Variants in PLAC1 observed in about 807,000 individuals in gnomAD.
PLAC1 encodes the protein placenta associated 1.
For synonymous variants in PLAC1, 68 were observed against 62.1 expected (o/e 1.09, Z -0.44); for missense variants, 136 against 163.2 (o/e 0.83, Z 0.91).
At chrX:134,722,014 A>C (rs1018941833) in intron 2 of PLAC1, among the ~76,000 whole-genome samples, 2 of 112,059 alleles carry the variant, frequency 1.8e-5, no homozygotes, top group East Asian at 5.6e-4. Context: ...AAAAATTTAT[A>C]AACATAAATT....
Position 134,686,539 on chromosome X carries a change from A to G in PLAC1, n.174+46896T>C, listed in dbSNP as rs781168117. On this transcript the variant is annotated intron_variant and non_coding_transcript_variant, in intron 2 of 2. Coordinates refer to the PLAC1 transcript ENST00000466797. ...TGCTCAGTCTGAGTCTTGTCCACCA[A>G]TGGAAAAACCCCTTGAAACCCAGTC... 7.1e-5 allele frequency among the ~76,000 whole-genome samples: 8 copies of G among 112,188 alleles called. No individual in the cohort carries two copies. In the South Asian group the frequency reaches 1.1e-3, roughly 16 times the overall value.
chrX:134,750,921 A>T (rs2078742724), intron 1 of PLAC1, among the ~76,000 whole-genome samples: 2 of 19,879 alleles, frequency 1.0e-4, no homozygotes, highest in Non-Finnish European at 1.4e-4. Flanking sequence ...TTATATATAT[A>T]TATTTTTATA....
At chrX:134,618,025 T>C (rs2078192939) in intron 1 of PLAC1, among the ~76,000 whole-genome samples, 1 of 111,927 alleles carries the variant, frequency 8.9e-6, no homozygotes, top group African/African-American at 3.3e-5. Flanking sequence ...CTATTATTGC[T>C]GCTGGGTCAA....
intron 1 of PLAC1, among the ~76,000 whole-genome samples, chrX:134,738,376 A>T (rs756853208): frequency 1.8e-5 from 2 of 111,595 alleles, no homozygotes; most frequent in South Asian, 7.6e-4. Context: ...AAGGCAGACA[A>T]TCCTCAGCTA....
chrX:134,726,803 C>G (rs1056417040), intron 2 of PLAC1, among the ~76,000 whole-genome samples: 1 of 74,022 alleles, frequency 1.4e-5, no homozygotes, highest in Non-Finnish European at 2.4e-5. Flanking sequence ...AGCCTTGCGA[C>G]AGAGCAAGAC....
At chrX:134,621,467 A>G (rs1048234455) in intron 1 of PLAC1, among the ~76,000 whole-genome samples, 9 of 107,489 alleles carry the variant, frequency 8.4e-5, no homozygotes, top group African/African-American at 2.1e-4. Flanking sequence ...AAAAAAAAAA[A>G]AAAAAAGAAA....
At chrX:134,759,257 T>A (rs975590484) in intron 1 of PLAC1, among the ~76,000 whole-genome samples, 1 of 110,644 alleles carries the variant, frequency 9.0e-6, no homozygotes, top group African/African-American at 3.3e-5. Flanking sequence ...TTCAAGTGAT[T>A]CTCCTACCTC....
chrX:134,660,290 G>A (rs1237918115), upstream of PLAC1, among the ~76,000 whole-genome samples: 2 of 110,743 alleles, frequency 1.8e-5, no homozygotes, highest in East Asian at 2.8e-4. Context: ...TTTTTTAGTA[G>A]AGATAGGATT....
Position 134,628,488 on chromosome X carries a change from C to T in PLAC1, c.-130-26366G>A, listed in dbSNP as rs57624261. Among the ~76,000 whole-genome samples, 80 of 112,112 alleles carry T rather than the reference C, an allele frequency of 7.1e-4. 1 individual carries two copies. In the East Asian group the frequency reaches 0.022, roughly 31 times the overall value. On this transcript the variant is annotated intron_variant, in intron 1 of 2. Coordinates refer to ENST00000359237, the MANE Select transcript of PLAC1 (RefSeq NM_021796.4). The stretch of plus-strand genomic sequence containing the variant: ...CCTGCCTGGCCTTGTAAGGCAGCTT[C>T]CCAATGCCCTTGACCCTTTCCTGGT...
intron 1 of PLAC1, among the ~76,000 whole-genome samples, chrX:134,657,577 C>T (rs2078398301): frequency 8.9e-6 from 1 of 112,079 alleles, no homozygotes; most frequent in Admixed American, 9.5e-5. Flanking sequence ...ATTAGAGCTG[C>T]TGGGATTAGA....
rs761167237 is a variant in PLAC1, at chrX:134,669,172, T to C, written n.174+64263A>G. ...TCTTTCCAGGATCTTCCCTATGGTC[T>C]TCCTAGTTTCATGTGGTTCAATTAA... On this transcript the variant is annotated intron_variant and non_coding_transcript_variant, in intron 2 of 2. Coordinates refer to the PLAC1 transcript ENST00000466797. Among the ~76,000 whole-genome samples, 14 of 112,057 alleles carry C rather than the reference T, an allele frequency of 1.2e-4. No individual in the cohort carries two copies. In the South Asian group the frequency reaches 5.3e-3, roughly 42 times the overall value.
chrX:134,570,658 C>T (rs1209119137), intron 2 of PLAC1, among the ~76,000 whole-genome samples: 1 of 111,906 alleles, frequency 8.9e-6, no homozygotes, highest in Non-Finnish European at 1.9e-5. Flanking sequence ...TAGGGCTCAG[C>T]TGTTGGTACA....
intron 1 of PLAC1, among the ~76,000 whole-genome samples, chrX:134,621,469 A>AAAAAG: frequency 9.4e-6 from 1 of 106,488 alleles, no homozygotes; most frequent in South Asian, 4.0e-4. Context: ...AAAAAAAAAA[A>AAAAAG]AAAAGAAAAG....
chrX:134,595,357 T>A (rs1482508907), intron 2 of PLAC1, among the ~76,000 whole-genome samples: 2 of 110,445 alleles, frequency 1.8e-5, no homozygotes, highest in Non-Finnish European at 3.8e-5. Context: ...ACATGTTGAT[T>A]AGATCCTGTT....
At chrX:134,583,368 G>A (rs1569377420) in intron 2 of PLAC1, among the ~76,000 whole-genome samples, 1 of 105,332 alleles carries the variant, frequency 9.5e-6, no homozygotes, top group Non-Finnish European at 1.9e-5. Flanking sequence ...AGGATCACAG[G>A]CGTGAGCCAC....
intron 2 of PLAC1, among the ~76,000 whole-genome samples, chrX:134,674,500 C>G (rs1337320261): frequency 7.1e-5 from 8 of 112,161 alleles, no homozygotes; most frequent in African/African-American, 2.6e-4. Flanking sequence ...GAGAAAGGAC[C>G]CAGGACAAAA....
At chrX:134,762,844 A>G (rs867343442) in intron 1 of PLAC1, among the ~76,000 whole-genome samples, 8 of 104,877 alleles carry the variant, frequency 7.6e-5, no homozygotes, top group African/African-American at 2.5e-4. Context: ...AAAAAAAAAA[A>G]AAAAGAAAAG....
chrX:134,756,785 G>C (rs886414078), intron 1 of PLAC1, among the ~76,000 whole-genome samples: 11 of 108,608 alleles, frequency 1.0e-4, no homozygotes, highest in African/African-American at 2.7e-4. Context: ...GGAGGCGGAG[G>C]TTGCATTGAG....
At position 134,743,239 on chromosome X, in the gene PLAC1, C is replaced by T. The variant is rs193302118; in HGVS notation, n.90-9720G>A. 5.3e-5 allele frequency among the ~76,000 whole-genome samples: 6 copies of T among 112,477 alleles called. No individual in the cohort carries two copies. In the Admixed American group the frequency reaches 5.6e-4, roughly 11 times the overall value. On this transcript the variant is annotated intron_variant and non_coding_transcript_variant, in intron 1 of 2. Transcript: ENST00000466797. ...GTAATGCAAAATTCTAAGCCTGAAA[C>T]CTTGACTCTAACATATATTGCATGT... is the stretch of plus-strand genomic sequence containing the variant.
Sources: gnomAD v4.1 joint callset for allele counts (sites outside exome capture counted in the v4.1 genomes callset) on GRCh38, gnomAD v4.1.1 for gene constraint, MANE v1.5 for transcripts, NCBI Gene and HGNC (gene_info 2026-07-23, HGNC 2026-07-21) for gene names.